MIPEP: variants seen among roughly 807,000 people sequenced by gnomAD.
The protein encoded by MIPEP is mitochondrial intermediate peptidase.
MIPEP carries 79 observed loss-of-function variants against 90.3 expected under a neutral mutation model. The observed-to-expected ratio is 0.87, with a 90% CI of 0.73 to 1.05. The LOEUF (loss-of-function observed/expected upper bound fraction) is 1.05, where lower values mean the gene tolerates loss of function less well. Among genes scored for constraint, MIPEP ranks in the 50% least tolerant of loss-of-function variants. MIPEP has a pLI of 0.00. For missense variants in MIPEP, 940 were observed against 905.6 expected (o/e 1.04, Z -0.49); for synonymous variants, 334 against 315.8 (o/e 1.06, Z -0.61).
At chr13:23,789,492 G>A (rs886380328) in intron 16 of MIPEP, among the ~76,000 whole-genome samples, 3 of 152,094 alleles carry the variant, frequency 2.0e-5, no homozygotes, top group Admixed American at 6.6e-5. Flanking sequence ...AATTCTGCCC[G>A]GAACACCTTA....
intron 18 of MIPEP, among the ~76,000 whole-genome samples, chr13:23,738,974 GA>G (rs1312541755): frequency 7.2e-5 from 11 of 152,210 alleles, no homozygotes; most frequent in Non-Finnish European, 1.6e-4. Flanking sequence ...TGGACCTGCG[GA>G]AACCTGTTAA....
intron 14 of MIPEP, among the ~76,000 whole-genome samples, chr13:23,813,707 C>T (rs1236630989): frequency 6.6e-6 from 1 of 152,124 alleles, no homozygotes; most frequent in African/African-American, 2.4e-5. Context: ...AAGATCCTCC[C>T]ACCTCAGCCA....
Position 23,840,010 on chromosome 13 carries a change from A to AC in MIPEP, c.1261-285dup, listed in dbSNP as rs1351327823. Among the ~76,000 whole-genome samples, 17 of 152,280 alleles carry AC rather than the reference A, an allele frequency of 1.1e-4. No homozygotes were observed. The East Asian group carries it at 3.3e-3, about 29-fold the overall frequency. The stretch of plus-strand genomic sequence containing the variant: ...ATCCTCTACAATACCTTTACTAACC[A>AC]CCCACAAGAGCTGGGAAGAAGTGCT... On this transcript the variant is annotated intron_variant, in intron 11 of 18. Coordinates refer to ENST00000382172, the MANE Select transcript of MIPEP (RefSeq NM_005932.4).
At chr13:23,774,921 G>C (rs1456395319) in intron 16 of MIPEP, among the ~76,000 whole-genome samples, 1 of 149,866 alleles carries the variant, frequency 6.7e-6, no homozygotes, top group Admixed American at 6.7e-5. Flanking sequence ...CAGCCTCCCT[G>C]GTAGCTGGGA....
intron 16 of MIPEP, among the ~76,000 whole-genome samples, chr13:23,779,468 T>TGG (rs71070619): frequency 7.9e-5 from 12 of 151,282 alleles, no homozygotes; most frequent in African/African-American, 1.9e-4. Flanking sequence ...AAAAGGTGTA[T>TGG]GGGGGGGGCA....
At chr13:23,785,712 T>C (rs890861990) in intron 16 of MIPEP, among the ~76,000 whole-genome samples, 3 of 151,204 alleles carry the variant, frequency 2.0e-5, no homozygotes, top group African/African-American at 7.3e-5. Flanking sequence ...ACATATATGA[T>C]AGTATGCTAG....
chr13:23,780,611 T>A (rs1278835709), intron 16 of MIPEP, among the ~76,000 whole-genome samples: 1 of 152,200 alleles, frequency 6.6e-6, no homozygotes, highest in Non-Finnish European at 1.5e-5. Context: ...GGAGAATGAC[T>A]TTGATGAGTT....
chr13:23,730,627 T>G (rs1273073306), intron 18 of MIPEP, among the ~76,000 whole-genome samples, 182 bp from the exon 19 acceptor site: 2 of 152,214 alleles, frequency 1.3e-5, no homozygotes, highest in Non-Finnish European at 2.9e-5. Flanking sequence ...TTGGAGCTAT[T>G]TATAATTTTA....
intron 15 of MIPEP, among the ~76,000 whole-genome samples, chr13:23,806,661 C>T (rs760198460): frequency 1.3e-5 from 2 of 151,326 alleles, no homozygotes; most frequent in Non-Finnish European, 2.9e-5. Flanking sequence ...CTGGGAGAGA[C>T]TCCGTCTCAA....
intron 16 of MIPEP, among the ~76,000 whole-genome samples, chr13:23,799,920 C>T (rs965652804): frequency 1.3e-5 from 2 of 152,118 alleles, no homozygotes; most frequent in African/African-American, 4.8e-5. Context: ...TTTTCTTAGA[C>T]GTATTATTAT....
At chr13:23,794,936 AT>A (rs1952940403) in intron 16 of MIPEP, among the ~76,000 whole-genome samples, 1 of 152,236 alleles carries the variant, frequency 6.6e-6, no homozygotes, top group East Asian at 1.9e-4. Context: ...GAAAGTAAAT[AT>A]TTTTTCAGTT....
At chr13:23,853,399 T>C (rs984801633) in intron 10 of MIPEP, among the ~76,000 whole-genome samples, 1 of 152,178 alleles carries the variant, frequency 6.6e-6, no homozygotes, top group Non-Finnish European at 1.5e-5. Context: ...ACTTATCATG[T>C]GTTGCAGCTG....
intron 2 of MIPEP, among the ~76,000 whole-genome samples, chr13:23,882,870 C>T (rs1318302801): frequency 2.6e-5 from 4 of 151,148 alleles, no homozygotes; most frequent in Non-Finnish European, 5.9e-5. Flanking sequence ...TTTTTTTTTA[C>T]AAATTACTAA....
intron 18 of MIPEP, among the ~76,000 whole-genome samples, chr13:23,753,220 T>C (rs1952458594): frequency 7.4e-6 from 1 of 135,890 alleles, no homozygotes; most frequent in Non-Finnish European, 1.6e-5. Flanking sequence ...AGAGACTCCA[T>C]CTCAAAAAAA....
At chr13:23,830,500 T>C (rs567193853) in intron 14 of MIPEP, among the ~76,000 whole-genome samples, 22 of 152,308 alleles carry the variant, frequency 1.4e-4, no homozygotes, top group Admixed American at 1.4e-3. Flanking sequence ...GGTTGGAGAA[T>C]GGCTTCATAG....
intron 16 of MIPEP, among the ~76,000 whole-genome samples, chr13:23,778,977 C>T (rs1018674895): frequency 1.3e-5 from 2 of 152,220 alleles, no homozygotes; most frequent in African/African-American, 2.4e-5. Context: ...CCACACAGAG[C>T]TTCAGCTTTG....
intron 1 of MIPEP, chr13:23,888,858 A>G: frequency 1.5e-6 from 1 of 650,764 alleles, no homozygotes; most frequent in Middle Eastern, 4.9e-4. Context: ...CGCCACTGCC[A>G]GAACGAACTA....
chr13:23,768,947 G>A (rs565017583), intron 16 of MIPEP, among the ~76,000 whole-genome samples: 1 of 152,224 alleles, frequency 6.6e-6, no homozygotes, highest in South Asian at 2.1e-4. Context: ...TGACTCAAAT[G>A]GAAATACATT....
chr13:23,865,276 T>C (rs1274888261), intron 7 of MIPEP, among the ~76,000 whole-genome samples: 1 of 152,336 alleles, frequency 6.6e-6, no homozygotes, highest in South Asian at 2.1e-4. Flanking sequence ...GATAATCTTT[T>C]ATACAGTTTT....
Sources: allele counts gnomAD v4.1 joint callset (sites outside exome capture counted in the v4.1 genomes callset), GRCh38; gene constraint gnomAD v4.1.1; transcripts MANE v1.5; gene names NCBI Gene and HGNC (gene_info 2026-07-23, HGNC 2026-07-21).